The following RAB3C variants were observed in gnomAD, a reference collection of about 807,000 sequenced individuals.
The protein encoded by RAB3C is RAB3C, member RAS oncogene family.
In RAB3C, 17 loss-of-function variants were observed where a neutral mutation model predicts 26.4. The ratio of observed to expected loss-of-function variants is 0.64; its 90% CI spans 0.44 to 0.97. The LOEUF (loss-of-function observed/expected upper bound fraction) is 0.97, where lower values mean the gene tolerates loss of function less well. Ranked by LOEUF, RAB3C falls within the 50% of genes least tolerant of loss-of-function variation. The pLI, the probability that RAB3C is intolerant of heterozygous loss-of-function variation, is 0.00. For missense variants in RAB3C, 242 were observed against 281.9 expected, an observed-to-expected ratio of 0.86 and a Z score of 1.01; for synonymous variants, 91 against 95.9, an observed-to-expected ratio of 0.95 and a Z score of 0.30.
chr5:58,585,242 C>T lies in RAB3C; in HGVS notation c.24+2010C>T, dbSNP rs192544566. ...CCCCATCTCCATTATTATCAATTTTCAAAAATATGTAATAATAGATAGGAT... is the reference window on the plus strand; with the variant it reads ...CCCCATCTCCATTATTATCAATTTTTAAAAATATGTAATAATAGATAGGAT... On this transcript the variant is annotated intron_variant, in intron 1 of 4. Coordinates refer to ENST00000282878, the MANE Select transcript of RAB3C (RefSeq NM_138453.4). Among the ~76,000 whole-genome samples, 746 of 151,874 alleles carry T rather than the reference C, an allele frequency of 4.9e-3. 6 individuals carry two copies. Among genetic ancestry groups the T allele is most frequent in the African/African-American group, 0.017 (705 of 41,468 alleles).
chr5:58,695,995 T>C (rs1748689507), intron 2 of RAB3C, among the ~76,000 whole-genome samples: 1 of 152,242 alleles, frequency 6.6e-6, no homozygotes, highest in Non-Finnish European at 1.5e-5. Flanking sequence ...ATCCTTGTCT[T>C]GTGCTGGTTT....
chr5:58,653,762 G>C (rs912256921), intron 2 of RAB3C, among the ~76,000 whole-genome samples: 2 of 152,158 alleles, frequency 1.3e-5, no homozygotes, highest in African/African-American at 2.4e-5. Context: ...AAGCACATGA[G>C]AGATACAGGA....
Position 58,621,116 on chromosome 5 carries a change from A to G in RAB3C, c.252+3246A>G, listed in dbSNP as rs184630502. On this transcript the variant is annotated intron_variant, in intron 2 of 4. Coordinates refer to ENST00000282878, the MANE Select transcript of RAB3C (RefSeq NM_138453.4). Reference sequence around the variant, plus strand: ...GCTCTTCCCAACTTATAGTATTTTTATGCATTTATATTATGTGTAAATAAT... The same window carrying G: ...GCTCTTCCCAACTTATAGTATTTTTGTGCATTTATATTATGTGTAAATAAT... Among the ~76,000 whole-genome samples, 88 of 152,338 alleles carry G rather than the reference A, an allele frequency of 5.8e-4. 1 individual carries two copies. The highest frequency in any genetic ancestry group is 2.0e-3 in the African/African-American group (84 of 41,590).
intron 2 of RAB3C, among the ~76,000 whole-genome samples, chr5:58,710,049 G>C (rs1203241593): frequency 6.6e-6 from 1 of 152,096 alleles, no homozygotes; most frequent in Non-Finnish European, 1.5e-5. Flanking sequence ...TGGTCTGAGT[G>C]TCATCATTTC....
At chr5:58,619,097 A>T (rs966809517) in intron 2 of RAB3C, among the ~76,000 whole-genome samples, 16 of 152,196 alleles carry the variant, frequency 1.1e-4, no homozygotes, top group African/African-American at 3.9e-4. Context: ...GTAATATTTA[A>T]AGAGGCAGGT....
chr5:58,725,695 T>C (rs1470885930), intron 2 of RAB3C, among the ~76,000 whole-genome samples: 1 of 151,876 alleles, frequency 6.6e-6, no homozygotes, highest in Non-Finnish European at 1.5e-5. Context: ...ATGAATAATT[T>C]GAATGTTTCT....
chr5:58,717,182 A>G (rs1386285014), intron 2 of RAB3C, among the ~76,000 whole-genome samples: 1 of 152,116 alleles, frequency 6.6e-6, no homozygotes, highest in Non-Finnish European at 1.5e-5. Context: ...CCCAGTTTAA[A>G]AAGGCAAAAT....
chr5:58,842,715 C>G (rs1056038870), intron 4 of RAB3C, among the ~76,000 whole-genome samples: 2 of 152,196 alleles, frequency 1.3e-5, no homozygotes, highest in African/African-American at 4.8e-5. Context: ...ATTCAAACTT[C>G]ATCAAGACAA....
chr5:58,780,904 C>A (rs1010758), intron 3 of RAB3C, among the ~76,000 whole-genome samples: 119,008 of 151,824 alleles, frequency 0.78, 46,796 homozygotes, highest in African/African-American at 0.83. Flanking sequence ...TTGTAAAGAA[C>A]TTGTGACTAC....
intron 3 of RAB3C, chr5:58,823,359 A>G (rs1237290120): frequency 5.8e-6 from 1 of 172,290 alleles, no homozygotes; most frequent in Non-Finnish European, 1.2e-5. Context: ...GTTTCTGCAA[A>G]AACAATTTAT....
intron 4 of RAB3C, among the ~76,000 whole-genome samples, chr5:58,850,269 A>G (rs181748078): frequency 1.2e-4 from 18 of 152,344 alleles, no homozygotes; most frequent in Admixed American, 7.2e-4. Flanking sequence ...TAACTTCTTA[A>G]CAATCTCTGG....
At chr5:58,786,702 G>T (rs1742391790) in intron 3 of RAB3C, among the ~76,000 whole-genome samples, 1 of 151,910 alleles carries the variant, frequency 6.6e-6, no homozygotes, top group South Asian at 2.1e-4. Flanking sequence ...AGCCCAGCTG[G>T]CTCCACCGCA....
intron 2 of RAB3C, among the ~76,000 whole-genome samples, chr5:58,661,322 C>CT (rs1181612387): frequency 6.7e-6 from 1 of 149,984 alleles, no homozygotes; most frequent in African/African-American, 2.5e-5. Context: ...GTGCCGATAT[C>CT]TTTTTTTCTT....
rs1214034239 is a variant in RAB3C at position 58,857,186 on chromosome 5, A to G, written c.*5835A>G. On this transcript the variant is annotated 3_prime_UTR_variant, in exon 5 of 5. Coordinates refer to ENST00000282878, the MANE Select transcript of RAB3C (RefSeq NM_138453.4). ...TGTGAGATGCTTTGATAGCTGTGTGACTTATTCAAATGATTTTCTTGTAGC... is the reference window on the plus strand; with the variant it reads ...TGTGAGATGCTTTGATAGCTGTGTGGCTTATTCAAATGATTTTCTTGTAGC... 2.0e-5 allele frequency: 3 copies of G among 152,146 alleles called. No individual in the cohort carries two copies. Among genetic ancestry groups the G allele is most frequent in the African/African-American group, 4.8e-5 (2 of 41,452 alleles). 9.4% of individuals were successfully genotyped at this position (152,146 alleles called of 1,614,324 possible). A position where few individuals can be genotyped will look rare whatever the true frequency, so the allele number is the denominator to read the frequency against.
intron 2 of RAB3C, among the ~76,000 whole-genome samples, chr5:58,623,365 T>C (rs1458133160): frequency 6.6e-6 from 1 of 152,190 alleles, no homozygotes; most frequent in Non-Finnish European, 1.5e-5. Context: ...AACAATCAGG[T>C]CCTCTGGTCT....
chr5:58,582,715 T>G (rs976024163), upstream of RAB3C, among the ~76,000 whole-genome samples: 2 of 152,108 alleles, frequency 1.3e-5, no homozygotes, highest in African/African-American at 4.8e-5. Flanking sequence ...CATTGGAAAT[T>G]AGCACAAGGT....
rs1268614765 is a variant in RAB3C, at chr5:58,589,006, GT to G, written c.24+5780del. Among the ~76,000 whole-genome samples, 6 of 151,886 alleles carry G rather than the reference GT, an allele frequency of 4.0e-5. No individual in the cohort carries two copies. In the Middle Eastern group the frequency reaches 0.01, roughly 258 times the overall value. On this transcript the variant is annotated intron_variant, in intron 1 of 4. Coordinates refer to ENST00000282878, the MANE Select transcript of RAB3C (RefSeq NM_138453.4). Reference sequence around the variant, plus strand: ...CCCATTTTAAGAGGGAAGACCTTCCGTTTTTTATCATCAAGTGTGAAATTAG... The same window carrying G: ...CCCATTTTAAGAGGGAAGACCTTCCGTTTTTATCATCAAGTGTGAAATTAG...
At chr5:58,759,379 C>T (rs928028178) in intron 3 of RAB3C, among the ~76,000 whole-genome samples, 2 of 152,126 alleles carry the variant, frequency 1.3e-5, no homozygotes, top group Non-Finnish European at 2.9e-5. Flanking sequence ...ATAGGTGCAA[C>T]GTCACAAGGA....
intron 3 of RAB3C, among the ~76,000 whole-genome samples, chr5:58,797,550 C>T (rs1005867301): frequency 3.3e-5 from 5 of 151,636 alleles, no homozygotes; most frequent in South Asian, 2.1e-4. Context: ...AAAAGATAAA[C>T]GTCCTCCTTC....
Sources: gnomAD v4.1 joint callset for allele counts (sites outside exome capture counted in the v4.1 genomes callset) on GRCh38, gnomAD v4.1.1 for gene constraint, MANE v1.5 for transcripts, NCBI Gene and HGNC (gene_info 2026-07-23, HGNC 2026-07-21) for gene names.